The following DAP3 variants were observed in gnomAD, a reference collection of about 807,000 sequenced individuals.
The protein encoded by DAP3 is small ribosomal subunit protein mS29.
A neutral mutation model predicts 51.9 loss-of-function variants in DAP3; 28 were observed. The ratio of observed to expected loss-of-function variants is 0.54; its 90% confidence interval spans 0.40 to 0.74. The LOEUF is 0.74. Ranked by LOEUF, DAP3 falls within the 30% of genes least tolerant of loss-of-function variation. DAP3 has a pLI of 0.00. For synonymous variants in DAP3, 170 were observed against 170.3 expected, an observed-to-expected ratio of 1.00 and a Z score of 0.01; for missense variants, 458 against 483.5, an observed-to-expected ratio of 0.95 and a Z score of 0.49.
rs907764119 is a variant in DAP3 at position 155,731,873 on chromosome 1, C to A, written c.904-71C>A. 3.5e-5 allele frequency: 51 copies of A among 1,448,176 alleles called. No homozygotes were observed. The Admixed American group carries it at 5.0e-4, about 14-fold the overall frequency. 89.7% of individuals were successfully genotyped at this position (1,448,176 alleles called of 1,614,324 possible). A position where few individuals can be genotyped will look rare whatever the true frequency, so the allele number is the denominator to read the frequency against. On this transcript the variant is annotated intron_variant, in intron 10 of 12. Coordinates refer to ENST00000368336, the MANE Select transcript of DAP3 (RefSeq NM_004632.4). Reference sequence around the variant, plus strand: ...TATGCCCAAGAAAGAAAAAAAAAATCTACAGATGATTAATGCAGTTTTCCA... The same window carrying A: ...TATGCCCAAGAAAGAAAAAAAAAATATACAGATGATTAATGCAGTTTTCCA...
At chr1:155,713,079 C>T (rs490608) in intron 2 of DAP3, among the ~76,000 whole-genome samples, 72,974 of 152,030 alleles carry the variant, frequency 0.48, 19,519 homozygotes, top group African/African-American at 0.72. Context: ...GCAAGCAAGA[C>T]TGAAGTCTGG....
intron 1 of DAP3, among the ~76,000 whole-genome samples, chr1:155,700,222 A>T (rs1453078984): frequency 6.6e-6 from 1 of 152,242 alleles, no homozygotes; most frequent in Non-Finnish European, 1.5e-5. Context: ...GGCATGAGCC[A>T]CTGCACCCAG....
chr1:155,727,593 CTCTTT>C lies in DAP3; in HGVS notation c.473-13_473-9del, dbSNP rs1308238656. ...TTCTGCCTGGCTTGTTTTCTTCTGC[CTCTTT>C]TTTTTAAAGCTCATCTTTGGGTGAA... On this transcript the variant is annotated splice_polypyrimidine_tract_variant and intron_variant, in intron 6 of 12. Transcript: ENST00000368336. 4.4e-6 allele frequency: 7 copies of C among 1,607,776 alleles called. No homozygotes were observed. The highest frequency in any genetic ancestry group is 5.9e-6 in the Non-Finnish European group (7 of 1,177,354).
chr1:155,689,793 C>T (rs1653441617), intron 1 of DAP3, among the ~76,000 whole-genome samples: 2 of 151,974 alleles, frequency 1.3e-5, no homozygotes, highest in Admixed American at 1.3e-4. Flanking sequence ...GCGCCTGTAG[C>T]CCCAGCTACT....
In DAP3 at chr1:155,705,618, GA is replaced by G. The variant is rs939719411; in HGVS notation, c.-7-4145del. Among the ~76,000 whole-genome samples the G allele has an allele frequency of 1.2e-3, 160 of 136,448 alleles. 2 individuals are homozygous for G. Among genetic ancestry groups the G allele is most frequent in the African/African-American group, 3.6e-3 (133 of 37,266 alleles). 89.5% of individuals were successfully genotyped at this position (136,448 alleles called of 152,430 possible). A position where few individuals can be genotyped will look rare whatever the true frequency, so the allele number is the denominator to read the frequency against. On this transcript the variant is annotated intron_variant, in intron 1 of 12. Coordinates refer to ENST00000368336, the MANE Select transcript of DAP3 (RefSeq NM_004632.4). ...ACCCTGTCTCAAAAAAAAAAAGAAAGAAAAAAAAAACAGAAAGGAAATAAAA... is the reference window on the plus strand; with the variant it reads ...ACCCTGTCTCAAAAAAAAAAAGAAAGAAAAAAAAACAGAAAGGAAATAAAA...
chr1:155,727,685 G>C lies in DAP3; in HGVS notation c.550G>C (p.Ala184Pro). 1 of 1,613,804 alleles carries C rather than the reference G, an allele frequency of 6.2e-7. No homozygotes were observed. Among genetic ancestry groups the C allele is most frequent in the South Asian group, 1.1e-5 (1 of 91,066 alleles). Residue 184 changes from alanine (A) to proline (P), a missense_variant, in exon 7 of 13, where the codon GCT (alanine) becomes CCT (proline). By Grantham distance (27) the Ala-to-Pro change is conservative. Coordinates refer to ENST00000368336, the MANE Select transcript of DAP3 (RefSeq NM_004632.4). The stretch of plus-strand genomic sequence containing the variant: ...ACAGCGCTTTGATCAACCTTTAGAG[G>C]CTTCAACCTGGCTGAAGAATTTCAA... ...NKQRFDQPLE[A>P]STWLKNFKTT...
At chr1:155,727,293 T>A (rs762007292) in intron 6 of DAP3, among the ~76,000 whole-genome samples, 12 of 151,964 alleles carry the variant, frequency 7.9e-5, no homozygotes, top group Non-Finnish European at 1.2e-4. Flanking sequence ...TTTTATATAT[T>A]GATTCTAATG....
chr1:155,736,093 C>A (rs1207801810), intron 11 of DAP3, among the ~76,000 whole-genome samples: 2 of 152,196 alleles, frequency 1.3e-5, no homozygotes, highest in East Asian at 3.9e-4. Context: ...CCCGCCTCAG[C>A]CTCCCAAAGT....
rs545996201 is a variant in DAP3 at position 155,735,831 on chromosome 1, C to A, written c.994-1115C>A. Among the ~76,000 whole-genome samples, 21 of 144,442 alleles carry A rather than the reference C, an allele frequency of 1.5e-4. No individual in the cohort carries two copies. In the South Asian group the frequency reaches 4.5e-3, roughly 31 times the overall value. 94.8% of individuals were successfully genotyped at this position (144,442 alleles called of 152,430 possible). ...GGATTACAGGCACGCATCACCACGCCTGGCTAATTTTTTTTTTTTTTTTTT... is the reference window on the plus strand; with the variant it reads ...GGATTACAGGCACGCATCACCACGCATGGCTAATTTTTTTTTTTTTTTTTT... On this transcript the variant is annotated intron_variant, in intron 11 of 12. Coordinates refer to ENST00000368336, the MANE Select transcript of DAP3 (RefSeq NM_004632.4).
In DAP3 at chr1:155,690,915, A is replaced by AT. The variant is rs1346647860; in HGVS notation, c.-8+1751dup. Among the ~76,000 whole-genome samples, 41 of 138,280 alleles carry AT rather than the reference A, an allele frequency of 3.0e-4. 2 individuals carry two copies. In the Middle Eastern group the frequency reaches 0.01, roughly 35 times the overall value. The allele number at this position is 138,280 out of a possible 152,430, so 90.7% of individuals were successfully genotyped here. On this transcript the variant is annotated intron_variant, in intron 1 of 12. Transcript: ENST00000368336. ...CCACCACATCCAGCTAATTTATTTT[A>AT]TTTTTTTTTTGAGACGGAGTCTCGC...
intron 2 of DAP3, chr1:155,710,097 T>C: frequency 3.1e-6 from 1 of 318,196 alleles, no homozygotes. Flanking sequence ...ATGAAGTATT[T>C]AAAAGAAAAA....
chr1:155,703,439 T>C (rs1380300612), intron 1 of DAP3, among the ~76,000 whole-genome samples: 5 of 152,198 alleles, frequency 3.3e-5, no homozygotes, highest in Admixed American at 1.3e-4. Context: ...CCCCCATGAT[T>C]CAATTATCTA....
At chr1:155,710,840 A>G (rs1451854144) in intron 2 of DAP3, among the ~76,000 whole-genome samples, 2 of 152,084 alleles carry the variant, frequency 1.3e-5, no homozygotes, top group Non-Finnish European at 2.9e-5. Context: ...TTTATGGTCC[A>G]TGTTCTCCAG....
At chr1:155,697,481 G>A (rs1654680723) in intron 1 of DAP3, among the ~76,000 whole-genome samples, 1 of 152,072 alleles carries the variant, frequency 6.6e-6, no homozygotes, top group Non-Finnish European at 1.5e-5. Context: ...TTCTACAGCT[G>A]GGTCTCCGGG....
intron 11 of DAP3, among the ~76,000 whole-genome samples, chr1:155,736,044 T>C (rs945583795): frequency 6.6e-6 from 1 of 151,780 alleles, no homozygotes; most frequent in African/African-American, 2.4e-5. Context: ...TTTCACCATA[T>C]TGGCCAGGCA....
At chr1:155,732,867 A>G (rs1214546600) in intron 11 of DAP3, among the ~76,000 whole-genome samples, 1 of 152,064 alleles carries the variant, frequency 6.6e-6, no homozygotes, top group African/African-American at 2.4e-5. Flanking sequence ...TACTAAAAAT[A>G]CAAAAAATTA....
chr1:155,728,518 C>T (rs1189691807), intron 7 of DAP3, among the ~76,000 whole-genome samples: 2 of 151,856 alleles, frequency 1.3e-5, no homozygotes, highest in South Asian at 2.1e-4. Flanking sequence ...GCCGAGATAG[C>T]GCCATTGTAC....
intron 10 of DAP3, 49 bp downstream of exon 10, chr1:155,731,464 T>C: frequency 6.4e-7 from 1 of 1,566,300 alleles, no homozygotes; most frequent in Non-Finnish European, 8.8e-7. Flanking sequence ...TGTATTATCA[T>C]TTTAAACATG....
chr1:155,721,818 A>G, intron 4 of DAP3, 200 bp downstream of exon 4: 1 of 563,006 alleles, frequency 1.8e-6, no homozygotes, highest in Non-Finnish European at 3.2e-6. Context: ...TCCTCCTTGT[A>G]TAGCCCAAGA....
Sources: allele counts gnomAD v4.1 joint callset (sites outside exome capture counted in the v4.1 genomes callset), GRCh38; gene constraint gnomAD v4.1.1; transcripts MANE v1.5; gene names NCBI Gene and HGNC (gene_info 2026-07-23, HGNC 2026-07-21).